NDEL1: variants seen among roughly 807,000 people sequenced by gnomAD.
NDEL1 encodes the protein nudE neurodevelopment protein 1 like 1.
In NDEL1, 9 loss-of-function variants were observed where a neutral mutation model predicts 45.7. The observed-to-expected ratio is 0.20, with a 90% CI of 0.12 to 0.34. The LOEUF (loss-of-function observed/expected upper bound fraction) is 0.34. NDEL1 is among the 10% of genes least tolerant of loss of function. NDEL1 has a pLI of 1.00. For synonymous variants in NDEL1, 133 were observed against 158.6 expected, an observed-to-expected ratio of 0.84 and a Z score of 1.21; for missense variants, 306 against 406.2, an observed-to-expected ratio of 0.75 and a Z score of 2.12.
At chr17:8,447,982 C>CGGGGGGGGGGGG (rs34891973) in intron 4 of NDEL1, among the ~76,000 whole-genome samples, 7 of 107,712 alleles carry the variant, frequency 6.5e-5, no homozygotes, top group South Asian at 3.1e-4. Flanking sequence ...GGGAGGTGGG[C>CGGGGGGGGGGGG]GGGGGGGGGG....
rs1052011480 is a variant in NDEL1, at chr17:8,462,160, A to T, written c.944+2000A>T. ...ATGTAAGTGTAGGCTTTACTTCCTG[A>T]GCTGAACCCGGAAATGTGCTGTGCT... On this transcript the variant is annotated intron_variant, in intron 8 of 8. Coordinates refer to ENST00000334527, the MANE Select transcript of NDEL1 (RefSeq NM_030808.5). Among the ~76,000 whole-genome samples the T allele has an allele frequency of 3.3e-5, 5 of 151,400 alleles. No homozygotes were observed. The South Asian group carries it at 1.0e-3, about 32-fold the overall frequency.
At chr17:8,433,234 T>A (rs1909061526), upstream of NDEL1, among the ~76,000 whole-genome samples, 2 of 152,222 alleles carry the variant, frequency 1.3e-5, no homozygotes, top group South Asian at 2.1e-4. Flanking sequence ...AGCTCAACTT[T>A]AATTTTTCAG....
In NDEL1 at chr17:8,445,721, G is replaced by T. The variant is rs1910040111; in HGVS notation, c.97G>T (p.Ala33Ser). ...TTTGTTTCTGATTAGCTTCCAGGAA[G>T]CTCGGGATGAGCTAGTTGAATTCCA... ...SLKYKQSFQE[A>S]RDELVEFQEG... The change falls in exon 3 of 9, where the codon GCT becomes TCT. Residue 33 changes from alanine to serine, a missense_variant. Transcript: ENST00000334527. 2 of 1,591,506 alleles carry T rather than the reference G, an allele frequency of 1.3e-6. No individual in the cohort carries two copies.
chr17:8,433,166 G>T (rs1909059429), upstream of NDEL1, among the ~76,000 whole-genome samples: 1 of 151,788 alleles, frequency 6.6e-6, no homozygotes, highest in Admixed American at 6.6e-5. Context: ...TGAAAGCTCT[G>T]TTCTTGTCAG....
At chr17:8,442,411 T>G (rs1441865477) in intron 1 of NDEL1, among the ~76,000 whole-genome samples, 1 of 130,348 alleles carries the variant, frequency 7.7e-6, no homozygotes, top group Admixed American at 7.6e-5. Flanking sequence ...ATAAATCAGT[T>G]CACATATTTA....
chr17:8,448,664 G>C lies in NDEL1; in HGVS notation c.504G>C (p.Gln168His), dbSNP rs1361907741. 1.9e-6 allele frequency: 3 copies of C among 1,611,790 alleles called. No individual in the cohort carries two copies. Among genetic ancestry groups the C allele is most frequent in the Non-Finnish European group, 2.5e-6 (3 of 1,179,118 alleles). ...AGGAATCTTTGTTGGTCTCTGTACA[G>C]AGGTTAAAGGATGAAGCAAGAGGTA... ...DEKESLLVSV[Q>H]RLKDEARDLR... The change falls in exon 5 of 9, where the codon CAG becomes CAC. Residue 168 changes from glutamine (Q) to histidine (H), a missense_variant. This residue lies in a region of NDEL1 where 19 missense variants were observed against 52.7 expected (regional missense o/e 0.36). Coordinates refer to ENST00000334527, the MANE Select transcript of NDEL1 (RefSeq NM_030808.5).
At chr17:8,435,417 A>G (rs1909214374), upstream of NDEL1, among the ~76,000 whole-genome samples, 1 of 152,246 alleles carries the variant, frequency 6.6e-6, no homozygotes, top group East Asian at 1.9e-4. Context: ...AACAAATACA[A>G]AATGTAAACA....
In NDEL1 at chr17:8,460,064, G is replaced by A. The variant is rs767052065; in HGVS notation, c.848G>A (p.Arg283Gln). ...AATTTTGCAAAGGACCAAGCATCAC[G>A]AAAATCCTATATTTCAGGGAATGTT... Reference protein sequence around the residue: ...CRNFAKDQASRKSYISGNVNC... With the variant: ...CRNFAKDQASQKSYISGNVNC... Residue 283 changes from arginine to glutamine, a missense_variant, in exon 8 of 9, where the codon CGA (arginine) becomes CAA (glutamine). By Grantham distance (43) the Arg-to-Gln change is conservative (BLOSUM62 1). Around this residue, in one of 3 missense-constraint regions of NDEL1, gnomAD observed 175 missense variants for 205.2 expected, o/e 0.85. Coordinates refer to ENST00000334527, the MANE Select transcript of NDEL1 (RefSeq NM_030808.5). 2 of 1,614,098 alleles carry A rather than the reference G, an allele frequency of 1.2e-6. No homozygotes were observed. Among genetic ancestry groups the A allele is most frequent in the South Asian group, 1.1e-5 (1 of 91,078 alleles).
intron 7 of NDEL1, among the ~76,000 whole-genome samples, chr17:8,455,640 T>C (rs901642148): frequency 1.4e-5 from 2 of 139,668 alleles, no homozygotes; most frequent in African/African-American, 5.5e-5. Context: ...TGAGCCGAGA[T>C]CGAGCCACTG....
intron 1 of NDEL1, among the ~76,000 whole-genome samples, chr17:8,415,710 A>G (rs1040812327): frequency 3.3e-5 from 5 of 151,138 alleles, no homozygotes; most frequent in African/African-American, 7.3e-5. Flanking sequence ...GGCGTGAGAC[A>G]CCTATTTTCC....
At chr17:8,431,534 C>T (rs910578151), upstream of NDEL1, among the ~76,000 whole-genome samples, 2 of 152,178 alleles carry the variant, frequency 1.3e-5, no homozygotes, top group African/African-American at 2.4e-5. Flanking sequence ...GCTAATACTC[C>T]CCCTTCTTGA....
upstream of NDEL1, chr17:8,435,712 C>A (rs879286222): frequency 3.0e-6 from 1 of 332,152 alleles, no homozygotes; most frequent in Non-Finnish European, 5.9e-6. Flanking sequence ...AGCGCCTGCG[C>A]AAGAGGACGC....
chr17:8,415,259 G>A (rs905985671), intron 1 of NDEL1, among the ~76,000 whole-genome samples: 1 of 151,326 alleles, frequency 6.6e-6, no homozygotes, highest in Admixed American at 6.6e-5. Flanking sequence ...GCTTACTACA[G>A]TCTTGAATTC....
chr17:8,463,308 T>C (rs745544020), intron 8 of NDEL1: 1 of 1,608,246 alleles, frequency 6.2e-7, no homozygotes, highest in Middle Eastern at 1.7e-4. Context: ...ATGTTCTCCT[T>C]TCTTTTATTA....
In NDEL1 at chr17:8,422,688, A is replaced by T. The variant is rs933808871; in HGVS notation, c.-13+9419A>T. Reference sequence around the variant, plus strand: ...TCCCGTCGCCTAATTTTCAACGGAAAATGTTTTCCATGTAAAGGCCATAAA... The same window carrying T: ...TCCCGTCGCCTAATTTTCAACGGAATATGTTTTCCATGTAAAGGCCATAAA... On this transcript the variant is annotated intron_variant, in intron 1 of 4. Transcript: ENST00000582812. Among the ~76,000 whole-genome samples the T allele has an allele frequency of 4.1e-4, 62 of 152,022 alleles. 2 individuals are homozygous for T. Among genetic ancestry groups the T allele is most frequent in the Non-Finnish European group, 3.1e-4 (21 of 68,008 alleles).
upstream of NDEL1, among the ~76,000 whole-genome samples, chr17:8,433,594 C>T (rs1056474890): frequency 6.6e-6 from 1 of 152,210 alleles, no homozygotes; most frequent in Non-Finnish European, 1.5e-5. Context: ...TCTCTTCAAA[C>T]TGATTTCTTA....
At chr17:8,440,606 C>CT (rs1909670815) in intron 1 of NDEL1, among the ~76,000 whole-genome samples, 1 of 151,946 alleles carries the variant, frequency 6.6e-6, no homozygotes, top group Non-Finnish European at 1.5e-5. Flanking sequence ...AAAGAGGATG[C>CT]AAGGGCTAGA....
At chr17:8,415,129 G>C (rs56260126) in intron 1 of NDEL1, among the ~76,000 whole-genome samples, 57,767 of 141,454 alleles carry the variant, frequency 0.41, 11,656 homozygotes, top group African/African-American at 0.5. Context: ...CCTCCCTCCT[G>C]CCTCTTCTCT....
chr17:8,451,615 A>G (rs150492795), intron 6 of NDEL1, among the ~76,000 whole-genome samples: 1 of 152,208 alleles, frequency 6.6e-6, no homozygotes, highest in Non-Finnish European at 1.5e-5. Context: ...GAATACTCAC[A>G]TTGCCATGAA....
Sources: gnomAD v4.1 joint callset for allele counts (sites outside exome capture counted in the v4.1 genomes callset) on GRCh38, gnomAD v4.1.1 for gene constraint, gnomAD v4.1.1 regional missense constraint, MANE v1.5 for transcripts, NCBI Gene and HGNC (gene_info 2026-07-23, HGNC 2026-07-21) for gene names.